The following SLC30A8 variants were observed in gnomAD, a reference collection of about 807,000 sequenced individuals.
SLC30A8 encodes the protein solute carrier family 30 member 8.
Under a neutral mutation model 36.9 loss-of-function variants are expected in SLC30A8, and 27 were observed. That is an observed-to-expected ratio of 0.73 (90% CI 0.54 to 1.01). The LOEUF is 1.01. SLC30A8 is among the 50% of genes least tolerant of loss of function. The pLI is 0.00. For missense variants in SLC30A8, 439 were observed against 452.0 expected, an observed-to-expected ratio of 0.97 and a Z score of 0.26; for synonymous variants, 164 against 172.4, an observed-to-expected ratio of 0.95 and a Z score of 0.38.
In SLC30A8 at chr8:117,103,890, G is replaced by A. The variant is rs183593107; in HGVS notation, c.-225-31390G>A. Among the ~76,000 whole-genome samples the A allele has an allele frequency of 3.9e-5, 6 of 152,186 alleles. No individual in the cohort carries two copies. The South Asian group carries it at 6.2e-4, about 16-fold the overall frequency. ...CTCTGTCCTGTTTAGTCCAAGCTAC[G>A]GCTTTTAGTTGTATAACATTCTCAA... On this transcript the variant is annotated intron_variant, in intron 2 of 10. Coordinates refer to the SLC30A8 transcript ENST00000427715.
upstream of SLC30A8, among the ~76,000 whole-genome samples, chr8:117,132,811 A>G (rs936987367): frequency 2.6e-5 from 4 of 152,016 alleles, no homozygotes; most frequent in Non-Finnish European, 2.9e-5. Flanking sequence ...TGATCAGCAG[A>G]TGCATATTTT....
chr8:117,081,029 A>T (rs1187087331), intron 2 of SLC30A8, among the ~76,000 whole-genome samples: 1 of 152,146 alleles, frequency 6.6e-6, no homozygotes, highest in Admixed American at 6.5e-5. Flanking sequence ...ATCTTGTTTC[A>T]TTTTATTTAC....
At chr8:117,068,720 GTGCC>G (rs1216997173) in intron 2 of SLC30A8, among the ~76,000 whole-genome samples, 1 of 152,030 alleles carries the variant, frequency 6.6e-6, no homozygotes, top group Non-Finnish European at 1.5e-5. Flanking sequence ...GGGATTACAG[GTGCC>G]CTCCATCATG....
At chr8:117,024,672 A>G (rs1043716515) in intron 1 of SLC30A8, among the ~76,000 whole-genome samples, 1 of 152,226 alleles carries the variant, frequency 6.6e-6, no homozygotes, top group African/African-American at 2.4e-5. Context: ...AGGCCAGTGA[A>G]CACATGAGAC....
chr8:117,168,867 G>A (rs532785560), intron 6 of SLC30A8, among the ~76,000 whole-genome samples: 2 of 152,146 alleles, frequency 1.3e-5, no homozygotes, highest in South Asian at 2.1e-4. Context: ...CCACTTCTCT[G>A]TGTGGCCTTA....
chr8:117,073,589 T>C (rs1047466757), intron 2 of SLC30A8, among the ~76,000 whole-genome samples: 1 of 152,212 alleles, frequency 6.6e-6, no homozygotes, highest in Non-Finnish European at 1.5e-5. Flanking sequence ...CAAATAGTTC[T>C]TGCTTTTTGA....
At chr8:117,021,432 C>G (rs1166042607) in intron 1 of SLC30A8, among the ~76,000 whole-genome samples, 1 of 152,122 alleles carries the variant, frequency 6.6e-6, no homozygotes, top group Non-Finnish European at 1.5e-5. Context: ...TATCCTCCAA[C>G]CAGCCACAGT....
At position 117,173,282 on chromosome 8, in the gene SLC30A8, C is replaced by T. The variant is rs978037133; in HGVS notation, c.*601C>T. 1 of 151,942 alleles carries T rather than the reference C, an allele frequency of 6.6e-6. No homozygotes were observed. Among genetic ancestry groups the T allele is most frequent in the Non-Finnish European group, 1.5e-5 (1 of 68,016 alleles). 9.4% of individuals were successfully genotyped at this position (151,942 alleles called of 1,614,324 possible). ...ACTTGTCACATTTTGGCAATAAATC[C>T]CTCTTATTTCTAAATTCTAACTTGT... On this transcript the variant is annotated 3_prime_UTR_variant, in exon 8 of 8. Transcript: ENST00000456015.
At chr8:117,055,557 C>T (rs1032064375) in intron 2 of SLC30A8, among the ~76,000 whole-genome samples, 1 of 152,170 alleles carries the variant, frequency 6.6e-6, no homozygotes, top group African/African-American at 2.4e-5. Flanking sequence ...TTAAAGTCTA[C>T]ATTTCTTGTT....
chr8:116,951,790 T>C (rs1246911662), intron 1 of SLC30A8, among the ~76,000 whole-genome samples: 1 of 152,144 alleles, frequency 6.6e-6, no homozygotes, highest in Non-Finnish European at 1.5e-5. Context: ...CAGCCACTGT[T>C]CTAGGTATGT....
intron 2 of SLC30A8, among the ~76,000 whole-genome samples, chr8:117,058,925 T>C (rs938922443): frequency 2.6e-5 from 4 of 152,196 alleles, no homozygotes; most frequent in African/African-American, 9.6e-5. Flanking sequence ...AAAATACTTA[T>C]TACTTAACCC....
At chr8:117,008,731 G>GC (rs971848866) in intron 1 of SLC30A8, among the ~76,000 whole-genome samples, 13 of 152,108 alleles carry the variant, frequency 8.5e-5, no homozygotes, top group African/African-American at 2.9e-4. Flanking sequence ...TTACCTCAAG[G>GC]CCCCCTTCTG....
intron 1 of SLC30A8, among the ~76,000 whole-genome samples, chr8:116,967,524 C>G (rs1235337717): frequency 1.3e-5 from 2 of 152,194 alleles, no homozygotes; most frequent in Non-Finnish European, 2.9e-5. Context: ...ACCTCCATAG[C>G]TCTGAACCCT....
At chr8:117,015,540 C>T (rs1285028690) in intron 1 of SLC30A8, among the ~76,000 whole-genome samples, 1 of 148,082 alleles carries the variant, frequency 6.8e-6, no homozygotes, top group Non-Finnish European at 1.5e-5. Context: ...TTATGCACCC[C>T]CCCCCCCCAA....
intron 3 of SLC30A8, 22 bp from the exon 4 acceptor site, chr8:117,157,669 C>G (rs769312132): frequency 7.4e-6 from 12 of 1,613,108 alleles, no homozygotes; most frequent in Non-Finnish European, 5.1e-6. Flanking sequence ...GTGTGGGTTT[C>G]TGTGTGTGTT....
rs781327000 is a variant in SLC30A8, at chr8:117,152,957, TG to T, written c.288del (p.Ser97ValfsTer12). The T allele has an allele frequency of 5.6e-6, 9 of 1,609,196 alleles. No homozygotes were observed. The highest frequency in any genetic ancestry group is 1.7e-5 in the Admixed American group (1 of 59,860). On this transcript the variant is annotated frameshift_variant, in exon 3 of 8. Coordinates refer to ENST00000456015, the MANE Select transcript of SLC30A8 (RefSeq NM_173851.3). LOFTEE classifies it high-confidence loss of function. Reference sequence around the variant, plus strand: ...TGCATTCTCTAGGTGGGCACATTGCTGGGAGTCTTGCTGTTGTCACAGATGC... The same window carrying T: ...TGCATTCTCTAGGTGGGCACATTGCTGGAGTCTTGCTGTTGTCACAGATGC... ...IAEVVGGHIA[G>X]SLAVVTDAAH...
At chr8:117,133,238 G>A (rs183524647), upstream of SLC30A8, among the ~76,000 whole-genome samples, 2 of 151,954 alleles carry the variant, frequency 1.3e-5, no homozygotes, top group African/African-American at 4.8e-5. Context: ...AGTATTTTTT[G>A]TTGTTTTGCT....
At chr8:116,976,804 T>TTCTC (rs1297569044) in intron 1 of SLC30A8, among the ~76,000 whole-genome samples, 15 of 140,236 alleles carry the variant, frequency 1.1e-4, no homozygotes, top group African/African-American at 4.5e-4. Flanking sequence ...TTATTTTTCT[T>TTCTC]TCTTTCTTTC....
At chr8:117,081,222 G>GTAT (rs1393194511) in intron 2 of SLC30A8, among the ~76,000 whole-genome samples, 1 of 152,130 alleles carries the variant, frequency 6.6e-6, no homozygotes, top group Non-Finnish European at 1.5e-5. Flanking sequence ...CACAGTGAAT[G>GTAT]TATTAGTCTA....
Sources: allele counts gnomAD v4.1 joint callset (sites outside exome capture counted in the v4.1 genomes callset), GRCh38; gene constraint gnomAD v4.1.1; transcripts MANE v1.5; gene names NCBI Gene and HGNC (gene_info 2026-07-23, HGNC 2026-07-21).